Variants in SOX6 observed in about 807,000 individuals in gnomAD.
SOX6 encodes the protein transcription factor SOX-6.
Under a neutral mutation model 97.8 loss-of-function variants are expected in SOX6, and 11 were observed. The observed-to-expected ratio is 0.11, with a 90% CI of 0.07 to 0.19. SOX6 has a LOEUF of 0.19. SOX6 is among the 10% of genes least tolerant of loss of function. The pLI, the probability that SOX6 is intolerant of heterozygous loss-of-function variation, is 1.00. For missense variants in SOX6, 810 were observed against 1,039.5 expected, an observed-to-expected ratio of 0.78 and a Z score of 3.04; for synonymous variants, 360 against 371.4, an observed-to-expected ratio of 0.97 and a Z score of 0.35.
At chr11:16,086,120 AAT>A (rs1848572563) in intron 9 of SOX6, among the ~76,000 whole-genome samples, 1 of 152,226 alleles carries the variant, frequency 6.6e-6, no homozygotes, top group Admixed American at 6.5e-5. Flanking sequence ...TTGCTGAAAC[AAT>A]ATGTTTCTAT....
At chr11:16,056,639 A>G (rs1253502066) in intron 9 of SOX6, among the ~76,000 whole-genome samples, 1 of 152,134 alleles carries the variant, frequency 6.6e-6, no homozygotes, top group Non-Finnish European at 1.5e-5. Context: ...TTCCACATTT[A>G]TCTTCGTCAT....
At chr11:16,696,076 T>C (rs1036799715) in intron 3 of SOX6, among the ~76,000 whole-genome samples, 18 of 152,212 alleles carry the variant, frequency 1.2e-4, no homozygotes, top group Non-Finnish European at 2.2e-4. Context: ...CATTTAGTTG[T>C]AGTTTACTTA....
intron 3 of SOX6, among the ~76,000 whole-genome samples, chr11:16,654,956 C>A (rs1468841990): frequency 6.6e-6 from 1 of 152,160 alleles, no homozygotes; most frequent in East Asian, 1.9e-4. Flanking sequence ...AAACCATCTC[C>A]CTACACAGGA....
chr11:16,622,160 T>G (rs1367772148), intron 3 of SOX6, among the ~76,000 whole-genome samples: 1 of 152,236 alleles, frequency 6.6e-6, no homozygotes, highest in Non-Finnish European at 1.5e-5. Context: ...CTCATTCATA[T>G]GACCCAAAGG....
intron 3 of SOX6, among the ~76,000 whole-genome samples, chr11:16,666,705 G>C (rs1008041704): frequency 1.3e-5 from 2 of 151,874 alleles, no homozygotes; most frequent in African/African-American, 4.8e-5. Context: ...GCTGAGGCAG[G>C]AGAATCACTT....
At chr11:15,992,669 G>C (rs947612033) in intron 13 of SOX6, among the ~76,000 whole-genome samples, 1 of 152,034 alleles carries the variant, frequency 6.6e-6, no homozygotes. Flanking sequence ...TATAATATCT[G>C]AATTAACACC....
intron 4 of SOX6, among the ~76,000 whole-genome samples, chr11:16,523,073 A>G (rs1378248940): frequency 3.3e-5 from 5 of 152,090 alleles, no homozygotes; most frequent in Non-Finnish European, 5.9e-5. Context: ...ACAGATCAAC[A>G]ACACAAAAAG....
intron 3 of SOX6, among the ~76,000 whole-genome samples, chr11:16,654,173 T>A (rs34112467): frequency 2.0e-5 from 3 of 152,186 alleles, no homozygotes; most frequent in Non-Finnish European, 4.4e-5. Context: ...TCTCTTTTTT[T>A]ATTTAGAGAC....
chr11:16,389,995 A>AAAAAAAAAAAAAAAAAAC, intron 1 of SOX6, among the ~76,000 whole-genome samples: 1 of 149,460 alleles, frequency 6.7e-6, no homozygotes, highest in Non-Finnish European at 1.5e-5. Flanking sequence ...AAAAAAAAAA[A>AAAAAAAAAAAAAAAAAAC]AGAAGCTTAC....
chr11:16,711,979 A>G (rs973855255), intron 3 of SOX6, among the ~76,000 whole-genome samples: 2 of 151,986 alleles, frequency 1.3e-5, no homozygotes, highest in African/African-American at 4.8e-5. Context: ...TTGGTTTTCC[A>G]TTCCTGAGTT....
At chr11:16,677,240 A>C (rs969028876) in intron 3 of SOX6, among the ~76,000 whole-genome samples, 1 of 152,178 alleles carries the variant, frequency 6.6e-6, no homozygotes, top group Admixed American at 6.6e-5. Context: ...TGCTGCTCCC[A>C]CTTGTACTAT....
chr11:16,513,157 A>C (rs1860906287), intron 4 of SOX6, among the ~76,000 whole-genome samples: 1 of 152,218 alleles, frequency 6.6e-6, no homozygotes. Context: ...GCAACTTCAC[A>C]CTCAGGAGGT....
At chr11:16,143,522 G>A (rs1007614281) in intron 6 of SOX6, among the ~76,000 whole-genome samples, 7 of 152,086 alleles carry the variant, frequency 4.6e-5, no homozygotes, top group Non-Finnish European at 1.5e-5. Flanking sequence ...AAATGTAAAT[G>A]GGCTAAAAGC....
At chr11:16,009,904 T>C (rs1393955546) in intron 13 of SOX6, among the ~76,000 whole-genome samples, 1 of 152,064 alleles carries the variant, frequency 6.6e-6, no homozygotes, top group African/African-American at 2.4e-5. Flanking sequence ...CTACCAGGAA[T>C]AAGGATCTAG....
intron 1 of SOX6, among the ~76,000 whole-genome samples, chr11:16,432,181 G>A (rs1426396001): frequency 6.6e-6 from 1 of 152,038 alleles, no homozygotes; most frequent in African/African-American, 2.4e-5. Flanking sequence ...TGATAGAGAT[G>A]GATAGCAATA....
At chr11:16,182,499 C>T (rs1248319233) in intron 6 of SOX6, among the ~76,000 whole-genome samples, 1 of 151,688 alleles carries the variant, frequency 6.6e-6, no homozygotes. Flanking sequence ...CAAGGGAACA[C>T]CTGGACAGTT....
intron 6 of SOX6, among the ~76,000 whole-genome samples, chr11:16,181,016 A>T (rs932102601): frequency 4.6e-5 from 7 of 151,722 alleles, no homozygotes; most frequent in Non-Finnish European, 1.0e-4. Flanking sequence ...ATAGACCCAG[A>T]TGTGTCTGTG....
chr11:16,036,078 CTTTTT>C (rs767508048), intron 12 of SOX6, among the ~76,000 whole-genome samples: 1 of 133,806 alleles, frequency 7.5e-6, no homozygotes. Context: ...TGATTCAACT[CTTTTT>C]TTTTTTTTTT....
chr11:16,496,702 C>T (rs1860603996), intron 4 of SOX6, among the ~76,000 whole-genome samples: 1 of 152,204 alleles, frequency 6.6e-6, no homozygotes, highest in Non-Finnish European at 1.5e-5. Context: ...GTCCTACGCC[C>T]ACAGAGCCTC....
Sources: gnomAD v4.1 joint callset for allele counts (sites outside exome capture counted in the v4.1 genomes callset) on GRCh38, gnomAD v4.1.1 for gene constraint, MANE v1.5 for transcripts, NCBI Gene and HGNC (gene_info 2026-07-23, HGNC 2026-07-21) for gene names.